Variants in SFSWAP observed in about 807,000 individuals in gnomAD.
The protein encoded by SFSWAP is splicing factor SWAP, also known as splicing factor, suppressor of white-apricot homolog.
In SFSWAP, 17 loss-of-function variants were observed where a neutral mutation model predicts 100.7. That is an observed-to-expected ratio of 0.17 (90% confidence interval 0.12 to 0.25). The LOEUF (loss-of-function observed/expected upper bound fraction) is 0.25. Among genes scored for constraint, SFSWAP ranks in the 10% least tolerant of loss-of-function variants. The pLI is 1.00. For synonymous variants in SFSWAP, 504 were observed against 510.1 expected (o/e 0.99, Z 0.16); for missense variants, 1,005 against 1,262.6 (o/e 0.80, Z 3.09).
chr12:131,778,370 C>T lies in SFSWAP; in HGVS notation c.2408+40C>T, dbSNP rs1433182404. Reference sequence around the variant, plus strand: ...GGCAGCACCTCTGGTACCCTCATGACCCCCATGTCCTTCACAGGACACCCA... The same window carrying T: ...GGCAGCACCTCTGGTACCCTCATGATCCCCATGTCCTTCACAGGACACCCA... On this transcript the variant is annotated intron_variant, in intron 14 of 17. Transcript: ENST00000261674. The surrounding 1 kb of genome is among the most constrained non-coding windows in gnomAD (Gnocchi z 4.2). 1 of 1,587,882 alleles carries T rather than the reference C, an allele frequency of 6.3e-7. No homozygotes were observed. Among genetic ancestry groups the T allele is most frequent in the Admixed American group, 1.8e-5 (1 of 54,174 alleles).
At chr12:131,754,345 T>C (rs374648284) in intron 8 of SFSWAP, 23 bp from the exon 9 acceptor site, 265 of 1,485,956 alleles carry the variant, frequency 1.8e-4, no homozygotes, top group Middle Eastern at 5.8e-4. Context: ...AGCCCAGGGG[T>C]CTCACAGACT....
chr12:131,786,861 G>C (rs575075621), intron 15 of SFSWAP, among the ~76,000 whole-genome samples: 1 of 152,160 alleles, frequency 6.6e-6, no homozygotes, highest in South Asian at 2.1e-4. Flanking sequence ...CTGGTACCTC[G>C]GCTGGGTCCA....
chr12:131,781,167 C>T lies in SFSWAP; in HGVS notation c.2408+2837C>T, dbSNP rs137994806. 3.5e-3 allele frequency among the ~76,000 whole-genome samples: 536 copies of T among 151,484 alleles called. 6 individuals carry two copies. Among genetic ancestry groups the T allele is most frequent in the African/African-American group, 0.012 (508 of 41,204 alleles). ...TTATTTTAGAATCGATTTAGAGTTA[C>T]ATATTTTTGAATAATTTAGAATAGC... On this transcript the variant is annotated intron_variant, in intron 14 of 17. Transcript: ENST00000261674.
chr12:131,722,529 C>G (rs981937064), intron 4 of SFSWAP, among the ~76,000 whole-genome samples: 2 of 152,204 alleles, frequency 1.3e-5, no homozygotes, highest in Non-Finnish European at 2.9e-5. Flanking sequence ...TCGATAGTTG[C>G]TGTTGTGTGC....
In SFSWAP at chr12:131,760,549, A is replaced by G. The variant is rs1172882708; in HGVS notation, c.1720+3905A>G. Among the ~76,000 whole-genome samples, 7 of 152,348 alleles carry G rather than the reference A, an allele frequency of 4.6e-5. No individual in the cohort carries two copies. The East Asian group carries it at 1.3e-3, about 29-fold the overall frequency. The stretch of plus-strand genomic sequence containing the variant: ...CTGTTTTTGAGTGTAAGTCGATAGA[A>G]CCCAGTAATATGGACTGAGTTTTAA... On this transcript the variant is annotated intron_variant, in intron 11 of 17. Transcript: ENST00000261674.
intron 14 of SFSWAP, among the ~76,000 whole-genome samples, chr12:131,779,978 G>A (rs2136260339): frequency 6.6e-6 from 1 of 152,228 alleles, no homozygotes; most frequent in African/African-American, 2.4e-5. Context: ...TAGAGATTGG[G>A]TTTCACCATG....
At chr12:131,718,944 C>T (rs1460587686) in intron 3 of SFSWAP, among the ~76,000 whole-genome samples, 1 of 152,176 alleles carries the variant, frequency 6.6e-6, no homozygotes, top group South Asian at 2.1e-4. Flanking sequence ...CCGGAGCTAA[C>T]AAGCGGCAGG....
intron 11 of SFSWAP, among the ~76,000 whole-genome samples, chr12:131,762,357 G>A: frequency 6.6e-6 from 1 of 152,310 alleles, no homozygotes; most frequent in African/African-American, 2.4e-5. Context: ...GCTGCAATAA[G>A]CTATGATTGC....
chr12:131,797,638 C>G (rs1488941884), intron 16 of SFSWAP, among the ~76,000 whole-genome samples: 1 of 152,246 alleles, frequency 6.6e-6, no homozygotes, highest in Non-Finnish European at 1.5e-5. Context: ...GTGTCACACA[C>G]GTGCCTGATG....
intron 11 of SFSWAP, among the ~76,000 whole-genome samples, chr12:131,764,222 A>C (rs1882916469): frequency 1.3e-5 from 2 of 152,350 alleles, no homozygotes; most frequent in South Asian, 4.1e-4. Flanking sequence ...TGAAGTCCCC[A>C]GTCAGTGCGG....
rs2229809 is a variant in SFSWAP at position 131,797,354 on chromosome 12, G to T, written c.2711G>T (p.Arg904Leu). The change falls in exon 16 of 18, where the codon CGC (arginine) becomes CTC (leucine). Residue 904 changes from arginine (R) to leucine (L), a missense_variant. Physicochemically the swap from Arg to Leu is moderately radical, Grantham distance 102 (BLOSUM62 -2). Coordinates refer to ENST00000261674, the MANE Select transcript of SFSWAP (RefSeq NM_004592.4). ...GAGAGTCGGGGCTCCAGCCAGGAGCGCTCCAGGTAACCCCTGTCCTCCAGC... is the reference window on the plus strand; with the variant it reads ...GAGAGTCGGGGCTCCAGCCAGGAGCTCTCCAGGTAACCCCTGTCCTCCAGC... ...PVESRGSSQERSRGVSQEKEA... is the reference protein window; with the variant it reads ...PVESRGSSQELSRGVSQEKEA... 1.2e-5 allele frequency: 20 copies of T among 1,606,342 alleles called. No homozygotes were observed. The highest frequency in any genetic ancestry group is 1.5e-5 in the Non-Finnish European group (18 of 1,176,414).
chr12:131,737,147 G>A lies in SFSWAP; in HGVS notation c.1081+8719G>A, dbSNP rs146815727. ...CGCGGTGGGCTGCAGAGCTCTGGGG[G>A]TGGGCCAGGGCCCGAGCGCTGCAGG... On this transcript the variant is annotated intron_variant, in intron 7 of 17. Coordinates refer to ENST00000261674, the MANE Select transcript of SFSWAP (RefSeq NM_004592.4). Among the ~76,000 whole-genome samples, 767 of 152,304 alleles carry A rather than the reference G, an allele frequency of 5.0e-3. 8 individuals are homozygous for A. Among genetic ancestry groups the A allele is most frequent in the African/African-American group, 0.017 (724 of 41,566 alleles).
At chr12:131,798,854 C>T (rs1249429463) in intron 16 of SFSWAP, among the ~76,000 whole-genome samples, 183 bp from the exon 17 acceptor site, 1 of 152,024 alleles carries the variant, frequency 6.6e-6, no homozygotes, top group East Asian at 1.9e-4. Flanking sequence ...CGTGCCATTG[C>T]ACTCCAGCCT....
chr12:131,756,749 G>A (rs1377495406), intron 11 of SFSWAP, 105 bp downstream of exon 11: 2 of 1,016,238 alleles, frequency 2.0e-6, no homozygotes, highest in Non-Finnish European at 2.8e-6. Context: ...AGGCTGGGGT[G>A]GGGTTGGCGG....
Position 131,728,504 on chromosome 12 carries a change from A to C in SFSWAP, c.1081+76A>C. On this transcript the variant is annotated intron_variant, in intron 7 of 17. Coordinates refer to ENST00000261674, the MANE Select transcript of SFSWAP (RefSeq NM_004592.4). ...AGCCAGCTACAGGGCTCTAAACCCCAAGTGTTCTGTCCTCCAAGTGTAACA... is the reference window on the plus strand; with the variant it reads ...AGCCAGCTACAGGGCTCTAAACCCCCAGTGTTCTGTCCTCCAAGTGTAACA... The C allele has an allele frequency of 2.7e-6, 4 of 1,490,382 alleles. No individual in the cohort carries two copies. In the South Asian group the frequency reaches 4.8e-5, roughly 18 times the overall value. The allele number at this position is 1,490,382 out of a possible 1,614,324, so 92.3% of individuals were successfully genotyped here. A position where few individuals can be genotyped will look rare whatever the true frequency, so the allele number is the denominator to read the frequency against.
intron 10 of SFSWAP, 88 bp downstream of exon 10, chr12:131,755,567 C>G (rs1882079901): frequency 5.7e-6 from 5 of 876,052 alleles, no homozygotes; most frequent in South Asian, 2.9e-5. Flanking sequence ...TCTTCTCCTA[C>G]AGGTGAAAGG....
intron 7 of SFSWAP, among the ~76,000 whole-genome samples, chr12:131,731,874 TG>T (rs1210832189): frequency 1.3e-5 from 2 of 151,542 alleles, no homozygotes; most frequent in Non-Finnish European, 2.9e-5. Context: ...ATTTTCATGA[TG>T]TTTTTGAGTA....
chr12:131,776,210 A>G (rs955465664), intron 13 of SFSWAP, among the ~76,000 whole-genome samples: 1 of 152,256 alleles, frequency 6.6e-6, no homozygotes, highest in African/African-American at 2.4e-5. Context: ...GTCCCACAGT[A>G]AAGTGGATTT....
chr12:131,753,887 CA>C (rs1330276043), intron 8 of SFSWAP, among the ~76,000 whole-genome samples: 25 of 152,242 alleles, frequency 1.6e-4, no homozygotes, highest in African/African-American at 5.3e-4. Context: ...GAGTATGAGA[CA>C]GGCGCTTTAC....
Sources: gnomAD v4.1 joint callset for allele counts (sites outside exome capture counted in the v4.1 genomes callset) on GRCh38, gnomAD v4.1.1 for gene constraint, Gnocchi (gnomAD v3.1) non-coding constraint, MANE v1.5 for transcripts, NCBI Gene and HGNC (gene_info 2026-07-23, HGNC 2026-07-21) for gene names.